Variants in RFX4 observed in about 807,000 individuals in gnomAD.
RFX4 encodes transcription factor RFX4.
Under a neutral mutation model 95.0 loss-of-function variants are expected in RFX4, and 10 were observed. The ratio of observed to expected loss-of-function variants is 0.11; its 90% CI spans 0.06 to 0.18. The LOEUF (loss-of-function observed/expected upper bound fraction) is 0.18, where lower values mean the gene tolerates loss of function less well. Ranked by LOEUF, RFX4 falls within the 10% of genes least tolerant of loss-of-function variation. The pLI is 1.00. For missense variants in RFX4, 640 were observed against 922.0 expected, an observed-to-expected ratio of 0.69 and a Z score of 3.96; for synonymous variants, 321 against 340.7, an observed-to-expected ratio of 0.94 and a Z score of 0.64.
chr12:106,727,320 G>C (rs2042520969), intron 13 of RFX4, among the ~76,000 whole-genome samples: 1 of 152,094 alleles, frequency 6.6e-6, no homozygotes, highest in Admixed American at 6.5e-5. Flanking sequence ...AGCAAACTAG[G>C]AATAGAAGGG....
chr12:106,592,508 G>A (rs751019953), intron 1 of RFX4, among the ~76,000 whole-genome samples: 1 of 152,092 alleles, frequency 6.6e-6, no homozygotes, highest in Non-Finnish European at 1.5e-5. Flanking sequence ...ACTCAGAGAC[G>A]ACGTATGTTG....
intron 2 of RFX4, among the ~76,000 whole-genome samples, chr12:106,623,861 A>C (rs1189870804): frequency 6.6e-6 from 1 of 152,236 alleles, no homozygotes; most frequent in Admixed American, 6.5e-5. Flanking sequence ...GTAGATATTT[A>C]TTATTTTATT....
At chr12:106,692,853 A>G (rs1167777316) in intron 7 of RFX4, among the ~76,000 whole-genome samples, 2 of 152,200 alleles carry the variant, frequency 1.3e-5, no homozygotes, top group Non-Finnish European at 2.9e-5. Context: ...AGACATCATT[A>G]TCTTCATTTT....
At chr12:106,594,367 T>C (rs2137171312) in intron 1 of RFX4, among the ~76,000 whole-genome samples, 1 of 152,314 alleles carries the variant, frequency 6.6e-6, no homozygotes, top group Non-Finnish European at 1.5e-5. Context: ...TTCAACTCAG[T>C]GGGCAGAGTT....
intron 14 of RFX4, 60 bp from the exon 15 acceptor site, chr12:106,732,864 C>CT (rs1378826903): frequency 6.5e-7 from 1 of 1,531,960 alleles, no homozygotes; most frequent in Non-Finnish European, 9.0e-7. Flanking sequence ...TTTTTAAAGT[C>CT]TTTTAGAGAC....
chr12:106,683,034 G>A (rs926863172), intron 5 of RFX4: 1 of 152,220 alleles, frequency 6.6e-6, no homozygotes, highest in Non-Finnish European at 1.5e-5. Context: ...ACTAGAGGGT[G>A]CCTTATTATG....
chr12:106,740,210 C>T (rs538819500), intron 15 of RFX4, among the ~76,000 whole-genome samples: 1 of 152,334 alleles, frequency 6.6e-6, no homozygotes, highest in Admixed American at 6.5e-5. Context: ...AACTGTAGAA[C>T]ATCTGGCCTG....
chr12:106,691,605 CTT>C (rs1045798498), intron 7 of RFX4, among the ~76,000 whole-genome samples: 1 of 152,210 alleles, frequency 6.6e-6, no homozygotes, highest in African/African-American at 2.4e-5. Context: ...TCTTCCAAGT[CTT>C]TAATATCAGT....
At chr12:106,682,628 T>C (rs1479753622) in intron 5 of RFX4, 1 of 152,302 alleles carries the variant, frequency 6.6e-6, no homozygotes, top group African/African-American at 2.4e-5. Context: ...GCTGCCCTCA[T>C]GGAGCATAGA....
rs2042289330 is a variant in RFX4 at position 106,716,266 on chromosome 12, T to G, written c.1138+722T>G. ...AGGCGTCTACAGGCTACCTCCATAATTAGAGAACATCAGGTCAGGAAAGGT... is the reference window on the plus strand; with the variant it reads ...AGGCGTCTACAGGCTACCTCCATAAGTAGAGAACATCAGGTCAGGAAAGGT... On this transcript the variant is annotated intron_variant, in intron 11 of 17. Coordinates refer to ENST00000392842, the MANE Select transcript of RFX4 (RefSeq NM_213594.3). Among the ~76,000 whole-genome samples the G allele has an allele frequency of 2.0e-5, 3 of 152,028 alleles. 1 individual carries two copies.
intron 2 of RFX4, among the ~76,000 whole-genome samples, chr12:106,612,720 C>T (rs1204820250): frequency 6.6e-6 from 1 of 152,116 alleles, no homozygotes. Flanking sequence ...CACCTGTAAT[C>T]CCAGCTACTT....
intron 3 of RFX4, among the ~76,000 whole-genome samples, chr12:106,643,612 G>A (rs572902420): frequency 4.6e-5 from 7 of 152,108 alleles, no homozygotes; most frequent in Non-Finnish European, 7.4e-5. Context: ...GATTTACAAC[G>A]TGTCCCCTTT....
At chr12:106,754,110 G>A (rs2136099962) in intron 17 of RFX4, among the ~76,000 whole-genome samples, 2 of 152,306 alleles carry the variant, frequency 1.3e-5, no homozygotes, top group Middle Eastern at 3.4e-3. Flanking sequence ...TGGGCAAACA[G>A]GTGTTTGTTT....
rs770044642 is a variant in RFX4 at position 106,732,935 on chromosome 12, G to C, written c.1483G>C (p.Glu495Gln). The C allele has an allele frequency of 6.2e-7, 1 of 1,614,020 alleles. No individual in the cohort carries two copies. The highest frequency in any genetic ancestry group is 1.1e-5 in the South Asian group (1 of 91,076). Reference protein sequence around the residue: ...KGEGSTAEVREEIILTEAAAP... With the variant: ...KGEGSTAEVRQEIILTEAAAP... ...ATCTCTATCCACAGCAGAAGTCCGA[G>C]AAGAGATCATCTTGACAGAGGCTGC... The change falls in exon 15 of 18, where the codon GAA becomes CAA. Residue 495 changes from glutamate to glutamine, a missense_variant. Glu to Gln is a conservative substitution (Grantham distance 29). This residue lies in a region of RFX4 where 300 missense variants were observed against 346.8 expected (regional missense o/e 0.87). Transcript: ENST00000392842.
intron 2 of RFX4, among the ~76,000 whole-genome samples, chr12:106,630,345 C>T (rs538875866): frequency 6.6e-5 from 10 of 152,316 alleles, no homozygotes; most frequent in Admixed American, 2.0e-4. Flanking sequence ...GCCTCTTTCT[C>T]GCTCCAAGAT....
At chr12:106,702,002 T>A (rs1354299516) in intron 8 of RFX4, among the ~76,000 whole-genome samples, 2 of 152,118 alleles carry the variant, frequency 1.3e-5, no homozygotes, top group Non-Finnish European at 2.9e-5. Flanking sequence ...ACCCTGTCTC[T>A]AATAATAATT....
At chr12:106,648,548 T>C (rs918905534) in intron 3 of RFX4, among the ~76,000 whole-genome samples, 5 of 150,760 alleles carry the variant, frequency 3.3e-5, no homozygotes, top group African/African-American at 1.2e-4. Context: ...CAGTGATAAG[T>C]TAAAATAGTT....
intron 9 of RFX4, 36 bp from the exon 10 acceptor site, chr12:106,711,417 T>G: frequency 1.3e-6 from 2 of 1,586,850 alleles, no homozygotes; most frequent in Non-Finnish European, 1.7e-6. Context: ...TCATAAAGCA[T>G]GCAAATATTT....
intron 8 of RFX4, among the ~76,000 whole-genome samples, chr12:106,697,693 C>CTCTAATCTCTCTAATCTCT (rs1565984284): frequency 2.0e-5 from 3 of 152,022 alleles, no homozygotes; most frequent in Admixed American, 2.0e-4. Context: ...GGCTTGCAGA[C>CTCTAATCTCTCTAATCTCT]GCATCACTCT....
Sources: allele counts gnomAD v4.1 joint callset (sites outside exome capture counted in the v4.1 genomes callset), GRCh38; gene constraint gnomAD v4.1.1; regional missense constraint gnomAD v4.1.1; transcripts MANE v1.5; gene names NCBI Gene and HGNC (gene_info 2026-07-23, HGNC 2026-07-21).